Variants in SULT4A1 observed in about 807,000 individuals in gnomAD.
The protein encoded by SULT4A1 is sulfotransferase family 4A member 1, also known as sulfotransferase 4A1.
In SULT4A1, 11 loss-of-function variants were observed where a neutral mutation model predicts 35.2. That is an observed-to-expected ratio of 0.31 (90% CI 0.20 to 0.52). SULT4A1 has a LOEUF of 0.52. Among genes scored for constraint, SULT4A1 ranks in the 20% least tolerant of loss-of-function variants. The pLI is 0.97. For missense variants in SULT4A1, 271 were observed against 383.7 expected (o/e 0.71, Z 2.45); for synonymous variants, 152 against 151.8 (o/e 1.00, Z -0.01).
chr22:43,844,858 G>A (rs945381421), intron 1 of SULT4A1, among the ~76,000 whole-genome samples: 4 of 152,208 alleles, frequency 2.6e-5, no homozygotes, highest in Admixed American at 1.3e-4. Flanking sequence ...CACTGTGACC[G>A]GCTCCACACC....
chr22:43,826,146 C>T (rs772531390), intron 6 of SULT4A1, 33 bp from the exon 7 acceptor site: 6 of 1,611,414 alleles, frequency 3.7e-6, no homozygotes, highest in South Asian at 1.1e-5. Context: ...GCTGGGGCCA[C>T]TTGCTGTCCG....
rs118143044 is a variant in SULT4A1, at chr22:43,840,288, G to A, written c.301-263C>T. On this transcript the variant is annotated intron_variant, in intron 2 of 6. Transcript: ENST00000330884. ...GAAGGGGTGGGGGCCAGGGGAGAAC[G>A]GTAGGGGTCAGAGGGAAAGGTGAGG... Among the ~76,000 whole-genome samples the A allele has an allele frequency of 1.4e-3, 213 of 151,616 alleles. 4 individuals are homozygous for A. The highest frequency in any genetic ancestry group is 0.011 in the East Asian group (57 of 5,042).
At chr22:43,830,399 G>A (rs1002574960) in intron 5 of SULT4A1, among the ~76,000 whole-genome samples, 5 of 152,254 alleles carry the variant, frequency 3.3e-5, no homozygotes, top group Admixed American at 2.6e-4. Context: ...CCATCTCAGA[G>A]GAAGGGGCGT....
intron 1 of SULT4A1, among the ~76,000 whole-genome samples, chr22:43,854,109 C>A (rs1451917135): frequency 1.3e-5 from 2 of 152,192 alleles, no homozygotes; most frequent in African/African-American, 4.8e-5. Flanking sequence ...CTCATGACAT[C>A]AGTAGTGGTG....
intron 4 of SULT4A1, among the ~76,000 whole-genome samples, chr22:43,834,189 T>C (rs1304447137): frequency 6.6e-6 from 1 of 152,072 alleles, no homozygotes; most frequent in African/African-American, 2.4e-5. Flanking sequence ...GTAGCCTCAG[T>C]AAATCGAGGA....
At chr22:43,862,089 G>T in intron 1 of SULT4A1, 125 bp downstream of exon 1, 1 of 408,848 alleles carries the variant, frequency 2.4e-6, no homozygotes, top group Non-Finnish European at 3.4e-6. Flanking sequence ...GGTGGGCACG[G>T]CAGGGGCGGA....
At chr22:43,836,106 T>C (rs1394530266) in intron 4 of SULT4A1, among the ~76,000 whole-genome samples, 4 of 152,214 alleles carry the variant, frequency 2.6e-5, no homozygotes, top group Admixed American at 6.5e-5. Flanking sequence ...AGAGGCTGCA[T>C]GCCACACTGC....
intron 1 of SULT4A1, among the ~76,000 whole-genome samples, chr22:43,847,951 C>T (rs757325889): frequency 6.6e-6 from 1 of 152,210 alleles, no homozygotes; most frequent in South Asian, 2.1e-4. Context: ...GTCCCAAAGT[C>T]GAGGTGTGGG....
At chr22:43,845,384 TCCTCCGCAG>T (rs1175523260) in intron 1 of SULT4A1, among the ~76,000 whole-genome samples, 1 of 152,134 alleles carries the variant, frequency 6.6e-6, no homozygotes, top group African/African-American at 2.4e-5. Flanking sequence ...CAAGGCTGTC[TCCTCCGCAG>T]CATCCGCAGC....
chr22:43,828,942 G>C, intron 6 of SULT4A1, 118 bp downstream of exon 6: 1 of 1,156,712 alleles, frequency 8.6e-7, no homozygotes, highest in Admixed American at 2.9e-5. Flanking sequence ...GCTACAGACT[G>C]CTGTAAAAGG....
chr22:43,862,091 A>G (rs185033670), intron 1 of SULT4A1, 123 bp downstream of exon 1: 95,580 of 399,166 alleles, frequency 0.24, 10,841 homozygotes, highest in African/African-American at 0.33. Context: ...TGGGCACGGC[A>G]GGGGCGGAGG....
intron 4 of SULT4A1, among the ~76,000 whole-genome samples, chr22:43,835,609 G>A (rs1015083977): frequency 3.9e-5 from 6 of 152,184 alleles, no homozygotes; most frequent in African/African-American, 1.2e-4. Flanking sequence ...CCCAGACAGG[G>A]AAGCCCAAGT....
At chr22:43,862,075 G>A (rs1220444814) in intron 1 of SULT4A1, 139 bp downstream of exon 1, 1 of 399,890 alleles carries the variant, frequency 2.5e-6, no homozygotes, top group Non-Finnish European at 4.0e-6. Context: ...AGCATCGGGA[G>A]AGCGGTGGGC....
At chr22:43,841,662 C>T in intron 2 of SULT4A1, 140 bp downstream of exon 2, 1 of 1,359,348 alleles carries the variant, frequency 7.4e-7, no homozygotes, top group Non-Finnish European at 1.0e-6. Context: ...CTCAGGCCTG[C>T]CAGCTTCTCC....
intron 2 of SULT4A1, 22 bp from the exon 3 acceptor site, chr22:43,840,047 G>A (rs765148351): frequency 7.6e-6 from 12 of 1,588,466 alleles, no homozygotes; most frequent in South Asian, 2.3e-5. Context: ...CAGAGGGAGA[G>A]GCAGGTCAGA....
intron 4 of SULT4A1, among the ~76,000 whole-genome samples, chr22:43,837,015 G>A (rs1248342722): frequency 1.3e-5 from 2 of 152,282 alleles, no homozygotes; most frequent in East Asian, 1.9e-4. Context: ...AGGCTCACGC[G>A]TGGTTGTTTA....
chr22:43,858,432 G>A (rs1304018912), intron 1 of SULT4A1, among the ~76,000 whole-genome samples: 1 of 152,122 alleles, frequency 6.6e-6, no homozygotes, highest in Admixed American at 6.5e-5. Context: ...CCTTCCCCAG[G>A]TCAAGCCTCC....
intron 1 of SULT4A1, among the ~76,000 whole-genome samples, chr22:43,848,833 T>C (rs913424978): frequency 6.6e-6 from 1 of 152,168 alleles, no homozygotes; most frequent in African/African-American, 2.4e-5. Flanking sequence ...AGATCCACCC[T>C]GAGTGGGGAA....
intron 1 of SULT4A1, among the ~76,000 whole-genome samples, chr22:43,845,472 C>G (rs538083773): frequency 3.9e-4 from 59 of 152,310 alleles, no homozygotes; most frequent in Admixed American, 3.7e-3. Context: ...TGTGGCTCAC[C>G]CGGCTCCTCT....
Sources: allele counts gnomAD v4.1 joint callset (sites outside exome capture counted in the v4.1 genomes callset), GRCh38; gene constraint gnomAD v4.1.1; transcripts MANE v1.5; gene names NCBI Gene and HGNC (gene_info 2026-07-23, HGNC 2026-07-21).